The following FGF14 variants were observed in gnomAD, a reference collection of about 807,000 sequenced individuals.
FGF14 encodes fibroblast growth factor homologous factor 4.
A neutral mutation model predicts 25.5 loss-of-function variants in FGF14; 5 were observed. The ratio of observed to expected loss-of-function variants is 0.20; its 90% CI spans 0.10 to 0.41. FGF14 has a LOEUF of 0.41. Ranked by LOEUF, FGF14 falls within the 10% of genes least tolerant of loss-of-function variation. FGF14 has a pLI of 1.00. For missense variants in FGF14, 222 were observed against 320.1 expected (o/e 0.69, Z 2.34); for synonymous variants, 138 against 118.3 (o/e 1.17, Z -1.08).
intron 1 of FGF14, among the ~76,000 whole-genome samples, chr13:102,007,739 C>G (rs3886535): frequency 0.43 from 65,389 of 152,028 alleles, 15,087 homozygotes; most frequent in East Asian, 0.72. Flanking sequence ...TCAAAATAAT[C>G]ACAGGGGGTT....
intron 3 of FGF14, among the ~76,000 whole-genome samples, chr13:101,830,048 C>T (rs187736154): frequency 5.9e-5 from 9 of 152,148 alleles, no homozygotes; most frequent in East Asian, 1.9e-4. Context: ...CTTAGGCAGG[C>T]GACTGAATCT....
intron 1 of FGF14, 115 bp downstream of exon 1, chr13:101,916,338 G>T: frequency 7.7e-7 from 1 of 1,301,726 alleles, no homozygotes; most frequent in Non-Finnish European, 1.1e-6. Flanking sequence ...TCAGAAGGGA[G>T]GCCGGGGCCG....
In FGF14 at chr13:101,880,257, G is replaced by C. The variant is rs566688229; in HGVS notation, c.194-4961C>G. Among the ~76,000 whole-genome samples, 3 of 152,184 alleles carry C rather than the reference G, an allele frequency of 2.0e-5. No homozygotes were observed. The South Asian group carries it at 6.2e-4, about 32-fold the overall frequency. ...CAGAATCCTATGTCTGCAGGCACTA[G>C]AGATAGCATCTGGCATTAACAACAA... On this transcript the variant is annotated intron_variant, in intron 1 of 4. Transcript: ENST00000376143.
At chr13:102,083,416 G>A (rs765207434) in intron 1 of FGF14, among the ~76,000 whole-genome samples, 1 of 147,082 alleles carries the variant, frequency 6.8e-6, no homozygotes, top group Non-Finnish European at 1.5e-5. Context: ...ATCTCATTAA[G>A]TGTTGGGTTT....
At chr13:101,896,507 C>T (rs995917126) in intron 1 of FGF14, among the ~76,000 whole-genome samples, 5 of 152,060 alleles carry the variant, frequency 3.3e-5, no homozygotes, top group Admixed American at 2.6e-4. Context: ...ACTCCAACTC[C>T]GCAATGGAGA....
chr13:101,752,908 A>AAT (rs2037385505), intron 3 of FGF14, among the ~76,000 whole-genome samples: 1 of 152,178 alleles, frequency 6.6e-6, no homozygotes, highest in African/African-American at 2.4e-5. Context: ...TATTTATCTT[A>AAT]ATGTTCAGAA....
At chr13:102,081,871 G>A (rs966536315) in intron 1 of FGF14, among the ~76,000 whole-genome samples, 3 of 152,124 alleles carry the variant, frequency 2.0e-5, no homozygotes, top group African/African-American at 7.2e-5. Flanking sequence ...AGCGGAATGA[G>A]TTTCCAAGTG....
intron 1 of FGF14, among the ~76,000 whole-genome samples, chr13:102,389,877 G>A (rs1312205662): frequency 6.6e-6 from 1 of 152,164 alleles, no homozygotes; most frequent in Non-Finnish European, 1.5e-5. Flanking sequence ...CCCTGTCTCT[G>A]ACCCAGGAGT....
chr13:102,262,083 T>C (rs1307752627), intron 1 of FGF14, among the ~76,000 whole-genome samples: 1 of 152,212 alleles, frequency 6.6e-6, no homozygotes, highest in Non-Finnish European at 1.5e-5. Flanking sequence ...ATGTGAATGT[T>C]ATAAAGCAGA....
chr13:101,952,753 AG>A (rs1241493604), intron 1 of FGF14, among the ~76,000 whole-genome samples: 1 of 152,168 alleles, frequency 6.6e-6, no homozygotes, highest in Non-Finnish European at 1.5e-5. Flanking sequence ...CTTGGAGGTC[AG>A]GTGTGGTGGC....
At chr13:102,133,567 G>C (rs1203736309) in intron 1 of FGF14, among the ~76,000 whole-genome samples, 1 of 152,034 alleles carries the variant, frequency 6.6e-6, no homozygotes, top group Non-Finnish European at 1.5e-5. Context: ...AAATTCAGAA[G>C]GTAAAATTTC....
At chr13:102,308,987 G>A (rs1185640099) in intron 1 of FGF14, among the ~76,000 whole-genome samples, 1 of 150,562 alleles carries the variant, frequency 6.6e-6, no homozygotes, top group Non-Finnish European at 1.5e-5. Context: ...CTGCAGAAAT[G>A]TAGTGAGTTT....
intron 1 of FGF14, among the ~76,000 whole-genome samples, chr13:102,017,722 T>C (rs1431077760): frequency 1.3e-5 from 2 of 152,158 alleles, no homozygotes; most frequent in Non-Finnish European, 2.9e-5. Flanking sequence ...ATTCTCATTA[T>C]TCCGTTTTCC....
Position 101,715,849 on chromosome 13 carries a change from A to G in FGF14, c.*6982T>C, listed in dbSNP as rs965405921. ...CAAATTTAGATGCAAATAACATTAG[A>G]AAAAAAAGATTCTTCCATAATTAAC... On this transcript the variant is annotated 3_prime_UTR_variant, in exon 5 of 5. Transcript: ENST00000376143. 4.0e-5 allele frequency: 18 copies of G among 452,582 alleles called. No homozygotes were observed. The highest frequency in any genetic ancestry group is 7.0e-5 in the East Asian group (2 of 28,764). 28.0% of individuals were successfully genotyped at this position (452,582 alleles called of 1,614,324 possible).
chr13:101,924,657 T>C (rs930497331), intron 1 of FGF14, among the ~76,000 whole-genome samples: 46 of 152,300 alleles, frequency 3.0e-4, no homozygotes, highest in African/African-American at 1.1e-3. Context: ...CCAAATAATA[T>C]GTGTATAATA....
At chr13:102,136,505 T>A (rs2046416345) in intron 1 of FGF14, among the ~76,000 whole-genome samples, 1 of 152,092 alleles carries the variant, frequency 6.6e-6, no homozygotes. Flanking sequence ...ACCCACAGCA[T>A]TGCTTAGAAA....
chr13:102,241,971 C>T (rs1283261917), intron 1 of FGF14, among the ~76,000 whole-genome samples: 1 of 152,050 alleles, frequency 6.6e-6, no homozygotes, highest in African/African-American at 2.4e-5. Flanking sequence ...TCTCTTTTGG[C>T]TTTAAGACCC....
Position 101,868,669 on chromosome 13 carries a change from C to T in FGF14, c.408+56G>A. 3.7e-6 allele frequency: 4 copies of T among 1,075,712 alleles called. No homozygotes were observed. In the South Asian group the frequency reaches 3.7e-5, roughly 10 times the overall value. 66.6% of individuals were successfully genotyped at this position (1,075,712 alleles called of 1,614,324 possible). A position where few individuals can be genotyped will look rare whatever the true frequency, so the allele number is the denominator to read the frequency against. On this transcript the variant is annotated intron_variant, in intron 3 of 4. Transcript: ENST00000376143. ...AGAACTTTCTTTTTGTTGTTGCTGC[C>T]ATTGTTATTTTACATGCATTGAACG...
intron 3 of FGF14, among the ~76,000 whole-genome samples, chr13:101,826,768 A>C (rs1425205868): frequency 6.6e-6 from 1 of 152,052 alleles, no homozygotes; most frequent in African/African-American, 2.4e-5. Context: ...TAAGTATGGA[A>C]TTTTTATTTA....
Sources: allele counts gnomAD v4.1 joint callset (sites outside exome capture counted in the v4.1 genomes callset), GRCh38; gene constraint gnomAD v4.1.1; transcripts MANE v1.5; gene names NCBI Gene and HGNC (gene_info 2026-07-23, HGNC 2026-07-21).